Variants in TIAM1 observed in about 807,000 individuals in gnomAD.
TIAM1 encodes TIAM Rac1 associated GEF 1.
In TIAM1, 65 loss-of-function variants were observed where a neutral mutation model predicts 163.5. The ratio of observed to expected loss-of-function variants is 0.40; its 90% confidence interval spans 0.33 to 0.49. TIAM1 has a LOEUF of 0.49. Among genes scored for constraint, TIAM1 ranks in the 20% least tolerant of loss-of-function variants. The probability of loss-of-function intolerance (pLI) is 0.77; values close to 1 mark genes in which losing one functional copy is unlikely to be tolerated. For synonymous variants in TIAM1, 833 were observed against 810.1 expected, an observed-to-expected ratio of 1.03 and a Z score of -0.48; for missense variants, 1,789 against 2,044.7, an observed-to-expected ratio of 0.87 and a Z score of 2.41.
chr21:31,257,901 T>A (rs2284493), intron 4 of TIAM1, among the ~76,000 whole-genome samples: 5 of 137,514 alleles, frequency 3.6e-5, no homozygotes, highest in South Asian at 2.5e-4. Context: ...CTCTCCCACC[T>A]CCACCCCACC....
At chr21:31,412,904 G>A (rs1270166437) in intron 2 of TIAM1, among the ~76,000 whole-genome samples, 1 of 151,860 alleles carries the variant, frequency 6.6e-6, no homozygotes, top group African/African-American at 2.4e-5. Context: ...AGGAGGCAGA[G>A]CTCAGGTGGT....
At position 31,438,903 on chromosome 21, in the gene TIAM1, T is replaced by C. The variant is rs151091441; in HGVS notation, c.-369+25080A>G. ...AACTCTAGACATTGCCAACTGTCTA[T>C]CTCCTAGAAGGCAGTTTCATCCCCA... On this transcript the variant is annotated intron_variant, in intron 2 of 28. Transcript: ENST00000286827. Among the ~76,000 whole-genome samples the C allele has an allele frequency of 2.2e-3, 338 of 152,276 alleles. 2 individuals are homozygous for C. The highest frequency in any genetic ancestry group is 7.8e-3 in the African/African-American group (323 of 41,556).
At chr21:31,390,974 C>A (rs1022841419) in intron 2 of TIAM1, among the ~76,000 whole-genome samples, 2 of 152,134 alleles carry the variant, frequency 1.3e-5, no homozygotes, top group Non-Finnish European at 2.9e-5. Flanking sequence ...CTACCAGCCA[C>A]GCCTCTTCTT....
chr21:31,121,216 A>T (rs59809849), intron 27 of TIAM1, among the ~76,000 whole-genome samples: 7,081 of 152,160 alleles, frequency 0.047, 511 homozygotes, highest in African/African-American at 0.15. Flanking sequence ...TGATTTGGGG[A>T]TCAGTTAGTG....
At chr21:31,507,179 A>ATTTTTTTTTTTTTTTTTTT (rs572356384) in intron 1 of TIAM1, among the ~76,000 whole-genome samples, 2 of 44,540 alleles carry the variant, frequency 4.5e-5, no homozygotes, top group Admixed American at 3.3e-4. Context: ...CACCTTTTTA[A>ATTTTTTTTTTTTTTTTTTT]TTTTTTTTTT....
intron 1 of TIAM1, among the ~76,000 whole-genome samples, chr21:31,521,745 A>AACAC (rs35006738): frequency 0.21 from 31,282 of 146,866 alleles, 3,772 homozygotes; most frequent in East Asian, 0.54. Context: ...CTCACACACA[A>AACAC]ACACACACAC....
At chr21:31,146,403 CAAAAA>C (rs10542614) in intron 20 of TIAM1, among the ~76,000 whole-genome samples, 1,936 of 89,918 alleles carry the variant, frequency 0.022, 52 homozygotes, top group African/African-American at 0.073. Context: ...GGCTCTGTGT[CAAAAA>C]AAAAAAAAAA....
At chr21:31,147,440 T>C (rs2083175720) in intron 19 of TIAM1, among the ~76,000 whole-genome samples, 1 of 151,888 alleles carries the variant, frequency 6.6e-6, no homozygotes, top group Non-Finnish European at 1.5e-5. Flanking sequence ...ACTATCTTCA[T>C]GCCTTCCAAA....
rs895870455 is a variant in TIAM1, at chr21:31,496,782, G to A, written c.-421-32747C>T. Among the ~76,000 whole-genome samples the A allele has an allele frequency of 1.2e-4, 18 of 152,000 alleles. 1 individual carries two copies. The highest frequency in any genetic ancestry group is 3.6e-4 in the African/African-American group (15 of 41,340). ...CTCATGGCAAGCACCCTATACGGGTGTAGCACTTTTTCTCTTTCATTCTGT... is the reference window on the plus strand; with the variant it reads ...CTCATGGCAAGCACCCTATACGGGTATAGCACTTTTTCTCTTTCATTCTGT... On this transcript the variant is annotated intron_variant, in intron 1 of 28. Coordinates refer to the TIAM1 transcript ENST00000286827.
At chr21:31,144,775 G>A (rs2083025357) in intron 20 of TIAM1, among the ~76,000 whole-genome samples, 2 of 135,988 alleles carry the variant, frequency 1.5e-5, no homozygotes, top group Non-Finnish European at 3.1e-5. Flanking sequence ...GTTGCAGTGA[G>A]CCGAGATCAC....
intron 2 of TIAM1, among the ~76,000 whole-genome samples, chr21:31,285,729 C>T (rs1188943339): frequency 6.6e-6 from 1 of 152,058 alleles, no homozygotes; most frequent in Non-Finnish European, 1.5e-5. Context: ...AGTGTGGTGG[C>T]CCACACCTGT....
intron 2 of TIAM1, among the ~76,000 whole-genome samples, chr21:31,386,768 G>C (rs1464193980): frequency 6.6e-6 from 1 of 152,214 alleles, no homozygotes; most frequent in African/African-American, 2.4e-5. Flanking sequence ...CAGCCAGAGA[G>C]AGGTGACTGA....
intron 1 of TIAM1, among the ~76,000 whole-genome samples, chr21:31,558,461 A>G (rs536945115): frequency 1.1e-4 from 17 of 152,186 alleles, no homozygotes; most frequent in African/African-American, 9.6e-5. Context: ...CCAGGCCCGG[A>G]GGTGCCTAAG....
At chr21:31,365,169 C>G (rs2076477722) in intron 2 of TIAM1, among the ~76,000 whole-genome samples, 1 of 152,138 alleles carries the variant, frequency 6.6e-6, no homozygotes, top group African/African-American at 2.4e-5. Context: ...AGTCTCCAAA[C>G]ACGCCAGTCA....
intron 20 of TIAM1, among the ~76,000 whole-genome samples, chr21:31,143,869 G>A (rs1168912066): frequency 6.6e-6 from 1 of 152,006 alleles, no homozygotes; most frequent in East Asian, 1.9e-4. Context: ...TGGGACTACA[G>A]GCATGCACCA....
intron 22 of TIAM1, among the ~76,000 whole-genome samples, chr21:31,136,829 G>T (rs1350281872): frequency 6.6e-6 from 1 of 152,164 alleles, no homozygotes; most frequent in East Asian, 1.9e-4. Flanking sequence ...TCCACTTTTG[G>T]GAAATGTAGG....
At chr21:31,295,386 C>T (rs1170865733) in intron 2 of TIAM1, among the ~76,000 whole-genome samples, 2 of 143,262 alleles carry the variant, frequency 1.4e-5, no homozygotes, top group African/African-American at 2.6e-5. Context: ...AGGAGAATGG[C>T]GTGAACCCAG....
chr21:31,527,514 C>T (rs564183645), intron 1 of TIAM1, among the ~76,000 whole-genome samples: 1 of 152,208 alleles, frequency 6.6e-6, no homozygotes, highest in East Asian at 1.9e-4. Flanking sequence ...GTGAGACATT[C>T]GAAGAGCATG....
chr21:31,196,327 T>A (rs2085853919), intron 12 of TIAM1, among the ~76,000 whole-genome samples: 1 of 151,508 alleles, frequency 6.6e-6, no homozygotes, highest in Non-Finnish European at 1.5e-5. Flanking sequence ...TTTTTTTTTT[T>A]TTCACACGGA....
Sources: gnomAD v4.1 joint callset for allele counts (sites outside exome capture counted in the v4.1 genomes callset) on GRCh38, gnomAD v4.1.1 for gene constraint, MANE v1.5 for transcripts, NCBI Gene and HGNC (gene_info 2026-07-23, HGNC 2026-07-21) for gene names.